The following SMARCA4 variants were observed in gnomAD, a reference collection of about 807,000 sequenced individuals.
SMARCA4 encodes SWI/SNF-related matrix-associated actin-dependent regulator of chromatin subfamily A member 4.
A neutral mutation model predicts 193.9 loss-of-function variants in SMARCA4; 31 were observed. That is an observed-to-expected ratio of 0.16 (90% CI 0.12 to 0.22). The LOEUF is 0.22. Among genes scored for constraint, SMARCA4 ranks in the 10% least tolerant of loss-of-function variants. The probability of loss-of-function intolerance (pLI) is 1.00; values close to 1 mark genes in which losing one functional copy is unlikely to be tolerated. For missense variants in SMARCA4, 1,148 were observed against 2,296.0 expected, an observed-to-expected ratio of 0.50 and a Z score of 10.22; for synonymous variants, 942 against 933.1, an observed-to-expected ratio of 1.01 and a Z score of -0.17.
rs1433578554 is a variant in SMARCA4, at chr19:11,041,351, G to A, written c.4215G>A (p.Arg1405=). 4 of 1,612,370 alleles carry A rather than the reference G, an allele frequency of 2.5e-6. No homozygotes were observed. Among genetic ancestry groups the A allele is most frequent in the Non-Finnish European group, 3.4e-6 (4 of 1,179,996 alleles). The part of the protein sequence containing the change: ...GTLEEIEEEV[R]QKKSSRKRKR... ...TGGAGGAGATCGAAGAGGAGGTCCG[G>A]CAGAAGAAATCATCACGGAAGCGCA... The change falls in exon 30 of 35, where the codon CGG becomes CGA. Residue 1405 remains arginine, a synonymous_variant. Transcript: ENST00000344626. The surrounding 1 kb of genome is among the most constrained non-coding windows in gnomAD (Gnocchi z 5.6).
At position 10,984,472 on chromosome 19, in the gene SMARCA4, C is replaced by A. The variant is rs918908724; in HGVS notation, c.222+99C>A. 1.9e-6 allele frequency: 3 copies of A among 1,545,152 alleles called. No homozygotes were observed. The African/African-American group carries it at 4.1e-5, about 21-fold the overall frequency. ...GCCTTACTTGGAGGATGGGGGGAAG[C>A]CTTCTTGTTGGAGGTGTCCTGCCTT... On this transcript the variant is annotated intron_variant, in intron 2 of 34. Coordinates refer to ENST00000344626, the MANE Select transcript of SMARCA4 (RefSeq NM_003072.5). This position sits in a 1 kb window ranked among gnomAD's most constrained non-coding sequence, Gnocchi z 4.3.
rs1374235731 is a variant in SMARCA4, at chr19:11,010,540, G to A, written c.2274+9G>A. 1.2e-6 allele frequency: 2 copies of A among 1,612,324 alleles called. No individual in the cohort carries two copies. The highest frequency in any genetic ancestry group is 2.7e-5 in the African/African-American group (2 of 74,890). ...TCCTCAAACAGTACCAGGTGAGGTA[G>A]GGGGTGGGGAGGCCACCGCCACGTA... On this transcript the variant is annotated intron_variant, in intron 15 of 34. Transcript: ENST00000344626.
chr19:11,045,536 C>G (rs2075854338), intron 30 of SMARCA4, among the ~76,000 whole-genome samples: 1 of 152,116 alleles, frequency 6.6e-6, no homozygotes, highest in South Asian at 2.1e-4. Flanking sequence ...ATGTACACTT[C>G]TCTGTATTCC....
Position 11,039,554 on chromosome 19 carries a change from G to T in SMARCA4, c.4171-1753G>T, listed in dbSNP as rs1060502086. On this transcript the variant is annotated intron_variant, in intron 29 of 34. Coordinates refer to ENST00000344626, the MANE Select transcript of SMARCA4 (RefSeq NM_003072.5). ...TCAGTTCTGCACACGTGCGTCAAAG[G>T]TGGGGAGAGTTCTGGTGGTGGGTGG... 6.3e-7 allele frequency: 1 copy of T among 1,588,410 alleles called. No individual in the cohort carries two copies. The highest frequency in any genetic ancestry group is 2.3e-5 in the East Asian group (1 of 43,490).
intron 1 of SMARCA4, among the ~76,000 whole-genome samples, chr19:10,963,465 A>G (rs1046605813): frequency 5.9e-5 from 9 of 151,370 alleles, no homozygotes; most frequent in African/African-American, 2.2e-4. Flanking sequence ...CAGTTTTTGC[A>G]CTTTCCAAGC....
rs1396260898 is a variant in SMARCA4, at chr19:11,004,755, A to G, written c.2001+1358A>G. Among the ~76,000 whole-genome samples the G allele has an allele frequency of 2.0e-5, 3 of 151,422 alleles. No individual in the cohort carries two copies. The East Asian group carries it at 5.8e-4, about 29-fold the overall frequency. On this transcript the variant is annotated intron_variant, in intron 13 of 34. Coordinates refer to ENST00000344626, the MANE Select transcript of SMARCA4 (RefSeq NM_003072.5). Reference sequence around the variant, plus strand: ...TGATATGATTGGGCTTACATTTGCTATTTCTTTTCTATGCCTCCTGTTTTT... The same window carrying G: ...TGATATGATTGGGCTTACATTTGCTGTTTCTTTTCTATGCCTCCTGTTTTT...
chr19:10,974,691 T>TATA (rs1599856417), intron 1 of SMARCA4, among the ~76,000 whole-genome samples: 31 of 14,630 alleles, frequency 2.1e-3, no homozygotes, highest in East Asian at 5.7e-3. Context: ...ATATATATAT[T>TATA]TTTTTTTTTT....
Position 11,030,712 on chromosome 19 carries a change from C to G in SMARCA4, c.3383-18C>G, listed in dbSNP as rs778742929. The G allele has an allele frequency of 5.6e-6, 9 of 1,608,686 alleles. No individual in the cohort carries two copies. The South Asian group carries it at 1.0e-4, about 18-fold the overall frequency. Reference sequence around the variant, plus strand: ...CTGAGGTCACCCCGCTGACCCTGTTCTCCTCTGTGCCCGTCAGGAACCACG... The same window carrying G: ...CTGAGGTCACCCCGCTGACCCTGTTGTCCTCTGTGCCCGTCAGGAACCACG... On this transcript the variant is annotated intron_variant, in intron 24 of 34. Transcript: ENST00000344626. This position sits in a 1 kb window ranked among gnomAD's most constrained non-coding sequence, Gnocchi z 5.5.
intron 30 of SMARCA4, among the ~76,000 whole-genome samples, chr19:11,048,302 G>T (rs2076065260): frequency 6.6e-6 from 1 of 152,026 alleles, no homozygotes; most frequent in African/African-American, 2.4e-5. Context: ...CACAATCTCG[G>T]CTCCCTGCAA....
intron 6 of SMARCA4, 126 bp from the exon 7 acceptor site, chr19:10,989,191 C>G: frequency 8.3e-7 from 1 of 1,198,726 alleles, no homozygotes; most frequent in Admixed American, 1.7e-5. Context: ...GCATCCTCTT[C>G]TGAGGCATCT....
In SMARCA4 at chr19:10,987,829, C is replaced by A. The variant is rs1484876512; in HGVS notation, c.1023C>A (p.Pro341=). The change falls in exon 6 of 35, where the codon CCC becomes CCA. Residue 341 remains proline, a synonymous_variant. Coordinates refer to ENST00000344626, the MANE Select transcript of SMARCA4 (RefSeq NM_003072.5). This position sits in a 1 kb window ranked among gnomAD's most constrained non-coding sequence, Gnocchi z 5.3. The part of the protein sequence containing the change: ...QSPGQPAQPA[P]MVPLHQKQSR... ...CCGGGCAGCCGGCCCAGCCCGCGCC[C>A]ATGGTGCCACTGCACCAGAAGCAGA... The A allele has an allele frequency of 1.2e-6, 2 of 1,610,136 alleles. No homozygotes were observed. The highest frequency in any genetic ancestry group is 1.7e-6 in the Non-Finnish European group (2 of 1,178,752).
chr19:11,024,576 T>C (rs2090115596), intron 21 of SMARCA4, 138 bp downstream of exon 21: 1 of 702,438 alleles, frequency 1.4e-6, no homozygotes, highest in Non-Finnish European at 2.6e-6. Flanking sequence ...GCCCTGGTTA[T>C]GATGGCTGGT....
intron 30 of SMARCA4, among the ~76,000 whole-genome samples, chr19:11,048,945 G>C (rs1190692417): frequency 2.6e-5 from 4 of 152,218 alleles, no homozygotes; most frequent in Admixed American, 2.6e-4. Flanking sequence ...ACTGCCAGCT[G>C]TCACAGCCAC....
rs2075574397 is a variant in SMARCA4 at position 11,041,039 on chromosome 19, T to C, written c.4171-268T>C. On this transcript the variant is annotated intron_variant, in intron 29 of 34. Transcript: ENST00000344626. This position sits in a 1 kb window ranked among gnomAD's most constrained non-coding sequence, Gnocchi z 5.6. ...CTTTTCTGTACAGAGAAGATAGTTC[T>C]TTTTTTTTGGTCAAGAAATTCAACC... 4 of 438,182 alleles carry C rather than the reference T, an allele frequency of 9.1e-6. No individual in the cohort carries two copies. Among genetic ancestry groups the C allele is most frequent in the Non-Finnish European group, 1.6e-5 (4 of 244,222 alleles). The allele number at this position is 438,182 out of a possible 1,614,324, so 27.1% of individuals were successfully genotyped here.
In SMARCA4 at chr19:10,961,056, T is replaced by G. The variant is rs1350496492; in HGVS notation, c.-150T>G. The G allele has an allele frequency of 1.3e-5, 2 of 148,548 alleles. No homozygotes were observed. Among genetic ancestry groups the G allele is most frequent in the Non-Finnish European group, 3.0e-5 (2 of 66,574 alleles). 9.2% of individuals were successfully genotyped at this position (148,548 alleles called of 1,614,324 possible). On this transcript the variant is annotated 5_prime_UTR_variant, in exon 1 of 35. Transcript: ENST00000344626. ...GGCGCGCGCGCGAGGCTTCCCCTCG[T>G]TTGGCGGCGGCGGCGGCTTCTTTGT...
intron 30 of SMARCA4, among the ~76,000 whole-genome samples, chr19:11,043,381 A>T (rs1031472535): frequency 1.3e-5 from 2 of 152,250 alleles, no homozygotes; most frequent in Non-Finnish European, 2.9e-5. Context: ...CCAGATCTGA[A>T]AATGTCATGT....
At chr19:11,038,199 C>CAA in intron 29 of SMARCA4, among the ~76,000 whole-genome samples, 1 of 152,284 alleles carries the variant, frequency 6.6e-6, no homozygotes, top group East Asian at 1.9e-4. Context: ...TTGGCTTTTC[C>CAA]AGCTTCTGAT....
intron 22 of SMARCA4, 163 bp downstream of exon 22, chr19:11,025,671 C>G: frequency 1.5e-6 from 1 of 655,964 alleles, no homozygotes; most frequent in Non-Finnish European, 2.8e-6. Flanking sequence ...CCAGTGCTTA[C>G]GGGAAGAATC....
chr19:10,971,518 A>G (rs1348393767), intron 1 of SMARCA4, among the ~76,000 whole-genome samples: 1 of 149,916 alleles, frequency 6.7e-6, no homozygotes, highest in Non-Finnish European at 1.5e-5. Context: ...TCTTTGAGAC[A>G]AGGTCTTGGT....
Sources: allele counts gnomAD v4.1 joint callset (sites outside exome capture counted in the v4.1 genomes callset), GRCh38; gene constraint gnomAD v4.1.1; non-coding constraint Gnocchi (gnomAD v3.1); transcripts MANE v1.5; gene names NCBI Gene and HGNC (gene_info 2026-07-23, HGNC 2026-07-21).